RREB1: variants seen among roughly 807,000 people sequenced by gnomAD.
RREB1 encodes ras-responsive element-binding protein 1.
In RREB1, 27 loss-of-function variants were observed where a neutral mutation model predicts 117.8. That is an observed-to-expected ratio of 0.23 (90% CI 0.17 to 0.32). The LOEUF (loss-of-function observed/expected upper bound fraction) is 0.32. RREB1 is among the 10% of genes least tolerant of loss of function. The pLI, the probability that RREB1 is intolerant of heterozygous loss-of-function variation, is 1.00. For missense variants in RREB1, 2,577 were observed against 2,378.2 expected (o/e 1.08, Z -1.74); for synonymous variants, 1,298 against 1,026.7 (o/e 1.26, Z -5.05).
chr6:7,240,627 C>T (rs1340428384), intron 11 of RREB1, 25 bp downstream of exon 11: 1 of 1,598,902 alleles, frequency 6.3e-7, no homozygotes, highest in Admixed American at 1.7e-5. Context: ...TGAACAAGAA[C>T]CCAGGAAGAG....
chr6:7,187,340 T>C, intron 4 of RREB1, 94 bp from the exon 5 acceptor site: 1 of 648,280 alleles, frequency 1.5e-6, no homozygotes, highest in Middle Eastern at 2.7e-4. Flanking sequence ...CTCAGCTACA[T>C]AGACACAAGT....
intron 11 of RREB1, among the ~76,000 whole-genome samples, chr6:7,243,273 A>G (rs1231154940): frequency 6.6e-6 from 1 of 152,234 alleles, no homozygotes; most frequent in African/African-American, 2.4e-5. Flanking sequence ...TTTAATTTTT[A>G]GGAAGCAATA....
chr6:7,133,601 C>T (rs962511548), intron 1 of RREB1, among the ~76,000 whole-genome samples: 3 of 151,894 alleles, frequency 2.0e-5, no homozygotes, highest in African/African-American at 7.3e-5. Flanking sequence ...ATTCATTGTA[C>T]ATAATAAGAA....
chr6:7,187,540 C>A lies in RREB1; in HGVS notation c.261+17C>A, dbSNP rs931575538. 126 of 847,848 alleles carry A rather than the reference C, an allele frequency of 1.5e-4. No individual in the cohort carries two copies. Among genetic ancestry groups the A allele is most frequent in the African/African-American group, 7.2e-4 (39 of 54,144 alleles). The allele number at this position is 847,848 out of a possible 1,614,324, so 52.5% of individuals were successfully genotyped here. A position where few individuals can be genotyped will look rare whatever the true frequency, so the allele number is the denominator to read the frequency against. ...ATTCGCCAGGTAGATTCCCACTGTT[C>A]TTTTATTTTATTTTATTTTATTTTA... On this transcript the variant is annotated intron_variant, in intron 5 of 12. Coordinates refer to ENST00000379938, the MANE Select transcript of RREB1 (RefSeq NM_001003699.4).
chr6:7,167,871 A>G (rs1256693867), intron 1 of RREB1, among the ~76,000 whole-genome samples: 1 of 152,188 alleles, frequency 6.6e-6, no homozygotes, highest in Admixed American at 6.5e-5. Context: ...TAAGGAGGGC[A>G]GTGTTATCAG....
intron 1 of RREB1, among the ~76,000 whole-genome samples, chr6:7,121,103 C>T (rs1476361138): frequency 1.3e-5 from 2 of 152,108 alleles, no homozygotes; most frequent in Middle Eastern, 3.4e-3. Context: ...GGATTACAGG[C>T]GTGAGCCACT....
intron 1 of RREB1, among the ~76,000 whole-genome samples, chr6:7,129,964 C>T (rs1201534103): frequency 6.6e-6 from 1 of 152,174 alleles, no homozygotes; most frequent in African/African-American, 2.4e-5. Context: ...AGTGGAGCTA[C>T]GGGTCAGTCA....
intron 1 of RREB1, among the ~76,000 whole-genome samples, chr6:7,176,129 C>A (rs541399351): frequency 6.6e-6 from 1 of 152,202 alleles, no homozygotes; most frequent in African/African-American, 2.4e-5. Context: ...GTTGTCCAGG[C>A]TGGTCTCGAA....
chr6:7,160,920 G>A lies in RREB1; in HGVS notation c.-284-15735G>A, dbSNP rs188051694. Among the ~76,000 whole-genome samples the A allele has an allele frequency of 3.5e-3, 529 of 152,144 alleles. 2 individuals are homozygous for A. Among genetic ancestry groups the A allele is most frequent in the African/African-American group, 0.012 (499 of 41,504 alleles). On this transcript the variant is annotated intron_variant, in intron 1 of 12. Transcript: ENST00000379938. ...AGGATGGTCTCCATCTCCTGACCTC[G>A]TGATCCACCCGCCTCAGCCTTCCAA...
chr6:7,168,254 G>GAA (rs574593859), intron 1 of RREB1, among the ~76,000 whole-genome samples: 8,989 of 72,724 alleles, frequency 0.12, 592 homozygotes, highest in Non-Finnish European at 0.16. Context: ...GACTCCGTCT[G>GAA]AAAAAAAAAA....
At position 7,230,347 on chromosome 6, in the gene RREB1, G is replaced by T; in HGVS notation, c.2248G>T (p.Ala750Ser). The change falls in exon 10 of 13, where the codon GCC becomes TCC. Residue 750 changes from alanine (A) to serine (S), a missense_variant. Physicochemically the swap from Ala to Ser is moderately conservative, Grantham distance 99. Transcript: ENST00000379938. ...GGCCGAGCTGGTGGACGCCTTCTGC[G>T]CCCCGGACACCGTGTGCCGGCTGTG... ...SAAELVDAFC[A>S]PDTVCRLCGE... 1.9e-6 allele frequency: 3 copies of T among 1,590,948 alleles called. No individual in the cohort carries two copies. Among genetic ancestry groups the T allele is most frequent in the Non-Finnish European group, 1.7e-6 (2 of 1,173,696 alleles).
intron 10 of RREB1, among the ~76,000 whole-genome samples, chr6:7,236,581 G>A (rs1292035315): frequency 6.6e-6 from 1 of 152,180 alleles, no homozygotes; most frequent in Non-Finnish European, 1.5e-5. Flanking sequence ...CCTGCCTGCA[G>A]GGGTGGAGGA....
At chr6:7,205,110 A>G (rs1041903355) in intron 6 of RREB1, among the ~76,000 whole-genome samples, 1 of 152,186 alleles carries the variant, frequency 6.6e-6, no homozygotes, top group Non-Finnish European at 1.5e-5. Context: ...CGAACCTGCA[A>G]ACGGTGCAGA....
rs754151787 is a variant in RREB1 at position 7,248,850 on chromosome 6, T to C, written c.5111T>C (p.Leu1704Pro). ...CCGTCTGAGCCTGGCCAGGGTGACCTTAACCCAGAGAGCCCGGCGGCCCTG... is the reference window on the plus strand; with the variant it reads ...CCGTCTGAGCCTGGCCAGGGTGACCCTAACCCAGAGAGCCCGGCGGCCCTG... ...GWPSEPGQGD[L>P]NPESPAALGQ... Residue 1704 changes from leucine (L) to proline (P), a missense_variant, in exon 13 of 13, where the codon CTT becomes CCT. Leu to Pro is a moderately conservative substitution (Grantham distance 98). Coordinates refer to ENST00000379938, the MANE Select transcript of RREB1 (RefSeq NM_001003699.4). The C allele has an allele frequency of 6.8e-6, 11 of 1,609,040 alleles. No homozygotes were observed. Among genetic ancestry groups the C allele is most frequent in the Non-Finnish European group, 8.5e-6 (10 of 1,177,998 alleles).
At chr6:7,146,099 C>T (rs1183302402) in intron 1 of RREB1, among the ~76,000 whole-genome samples, 1 of 151,954 alleles carries the variant, frequency 6.6e-6, no homozygotes, top group East Asian at 1.9e-4. Context: ...CTCCCCCCAC[C>T]AACACACACA....
chr6:7,150,725 T>G (rs1462772447), intron 1 of RREB1, among the ~76,000 whole-genome samples: 1 of 152,184 alleles, frequency 6.6e-6, no homozygotes, highest in African/African-American at 2.4e-5. Flanking sequence ...TGCTGACTGT[T>G]TCAGGGTGGG....
At position 7,246,613 on chromosome 6, in the gene RREB1, A is replaced by G. The variant is rs1282550068; in HGVS notation, c.4163A>G (p.His1388Arg). ...HREEHGRGES[H>R]EPEEEHGTEE... The stretch of plus-strand genomic sequence containing the variant: ...GAAGAGCACGGGCGTGGGGAGAGCC[A>G]TGAGCCGGAGGAGGAGCATGGCACT... The change falls in exon 12 of 13, where the codon CAT (histidine) becomes CGT (arginine). Residue 1388 changes from histidine (H) to arginine (R), a missense_variant. His to Arg is a conservative substitution (Grantham distance 29). Transcript: ENST00000379938. 6 of 1,563,278 alleles carry G rather than the reference A, an allele frequency of 3.8e-6. No individual in the cohort carries two copies. The African/African-American group carries it at 4.1e-5, about 11-fold the overall frequency.
At chr6:7,123,511 C>T (rs1445612519) in intron 1 of RREB1, among the ~76,000 whole-genome samples, 1 of 150,680 alleles carries the variant, frequency 6.6e-6, no homozygotes, top group Admixed American at 6.6e-5. Flanking sequence ...GAGGAGATTA[C>T]TGAATAAGTT....
intron 1 of RREB1, among the ~76,000 whole-genome samples, chr6:7,114,059 G>A (rs995978533): frequency 6.6e-6 from 1 of 152,178 alleles, no homozygotes; most frequent in African/African-American, 2.4e-5. Context: ...TTCAGATTGG[G>A]GAAATGCAGC....
Sources: allele counts gnomAD v4.1 joint callset (sites outside exome capture counted in the v4.1 genomes callset), GRCh38; gene constraint gnomAD v4.1.1; transcripts MANE v1.5; gene names NCBI Gene and HGNC (gene_info 2026-07-23, HGNC 2026-07-21).